Variants in PTK2 observed in about 807,000 individuals in gnomAD.
PTK2 encodes the protein focal adhesion kinase 1.
Under a neutral mutation model 150.1 loss-of-function variants are expected in PTK2, and 45 were observed. That is an observed-to-expected ratio of 0.30 (90% CI 0.24 to 0.38). The LOEUF (loss-of-function observed/expected upper bound fraction) is 0.38, where lower values mean the gene tolerates loss of function less well. Among genes scored for constraint, PTK2 ranks in the 10% least tolerant of loss-of-function variants. The pLI, the probability that PTK2 is intolerant of heterozygous loss-of-function variation, is 1.00. For missense variants in PTK2, 919 were observed against 1,307.3 expected, an observed-to-expected ratio of 0.70 and a Z score of 4.58; for synonymous variants, 432 against 449.2, an observed-to-expected ratio of 0.96 and a Z score of 0.48.
At chr8:140,661,823 G>A (rs757294944) in intron 31 of PTK2, among the ~76,000 whole-genome samples, 1 of 152,200 alleles carries the variant, frequency 6.6e-6, no homozygotes, top group African/African-American at 2.4e-5. Context: ...TTACAGCAGA[G>A]AGAGTTCCAA....
At chr8:140,715,457 C>A (rs2100039203) in intron 23 of PTK2, among the ~76,000 whole-genome samples, 2 of 152,018 alleles carry the variant, frequency 1.3e-5, no homozygotes, top group African/African-American at 4.8e-5. Flanking sequence ...CAGGGGTGAG[C>A]CACCATGCCC....
intron 2 of PTK2, among the ~76,000 whole-genome samples, chr8:140,924,186 TG>T (rs1276112467): frequency 6.6e-6 from 1 of 152,112 alleles, no homozygotes; most frequent in Non-Finnish European, 1.5e-5. Context: ...TCCCTCTATG[TG>T]GGACACTCTT....
At chr8:140,848,407 G>C (rs1278960311) in intron 5 of PTK2, among the ~76,000 whole-genome samples, 1 of 152,114 alleles carries the variant, frequency 6.6e-6, no homozygotes, top group Non-Finnish European at 1.5e-5. Flanking sequence ...TTTATTTTCT[G>C]CATTAGCATC....
intron 8 of PTK2, chr8:140,821,529 T>C (rs2100108564): frequency 6.6e-6 from 1 of 152,214 alleles, no homozygotes; most frequent in Non-Finnish European, 1.5e-5. Flanking sequence ...ACCCTGTACA[T>C]GTGTTTGACC....
rs116302171 is a variant in PTK2, at chr8:140,789,672, A to G, written c.1125-146T>C. ...TTAAAAATTGGATTCTACTATTAAAATAGCCAGGCTGCTTTAATGCTTTAA... is the reference window on the plus strand; with the variant it reads ...TTAAAAATTGGATTCTACTATTAAAGTAGCCAGGCTGCTTTAATGCTTTAA... On this transcript the variant is annotated intron_variant, in intron 13 of 31. Coordinates refer to ENST00000522684, the Ensembl canonical transcript of PTK2. 1.4e-3 allele frequency: 954 copies of G among 673,750 alleles called. 5 individuals are homozygous for G. The African/African-American group carries it at 0.016, about 11-fold the overall frequency. 41.7% of individuals were successfully genotyped at this position (673,750 alleles called of 1,614,324 possible).
rs181254911 is a variant in PTK2, at chr8:140,873,012, T to A, written c.362+6459A>T. Among the ~76,000 whole-genome samples, 7 of 152,242 alleles carry A rather than the reference T, an allele frequency of 4.6e-5. 1 individual carries two copies. The South Asian group carries it at 1.4e-3, about 32-fold the overall frequency. On this transcript the variant is annotated intron_variant, in intron 4 of 31. Transcript: ENST00000522684. Reference sequence around the variant, plus strand: ...CCTGTAGTTCATTCATTTCAACTTGTGTGACATTCTACTGTGTGAATAATC... The same window carrying A: ...CCTGTAGTTCATTCATTTCAACTTGAGTGACATTCTACTGTGTGAATAATC...
intron 1 of PTK2, among the ~76,000 whole-genome samples, chr8:141,000,172 G>A (rs1009077378): frequency 6.7e-6 from 1 of 149,548 alleles, no homozygotes; most frequent in African/African-American, 2.5e-5. Context: ...AAGGAACCCA[G>A]AGAGAAATTC....
At chr8:140,799,594 G>A (rs1053493375) in intron 12 of PTK2, among the ~76,000 whole-genome samples, 10 of 152,170 alleles carry the variant, frequency 6.6e-5, no homozygotes, top group Admixed American at 5.9e-4. Context: ...CTGATACAGT[G>A]TCAAGATCAG....
intron 1 of PTK2, among the ~76,000 whole-genome samples, chr8:140,949,726 A>T (rs1388273528): frequency 6.6e-6 from 1 of 152,182 alleles, no homozygotes; most frequent in Non-Finnish European, 1.5e-5. Context: ...CGTCATGAAC[A>T]GCCTAGGTGC....
chr8:140,965,450 C>A (rs893989289), intron 1 of PTK2, among the ~76,000 whole-genome samples: 1 of 152,192 alleles, frequency 6.6e-6, no homozygotes, highest in Non-Finnish European at 1.5e-5. Context: ...ACAAGCCATG[C>A]ACTGCACAAG....
chr8:140,842,217 T>C (rs2100122761), intron 7 of PTK2, among the ~76,000 whole-genome samples: 1 of 152,088 alleles, frequency 6.6e-6, no homozygotes, highest in Admixed American at 6.5e-5. Context: ...GACACTGTAG[T>C]TTCACTTTTT....
intron 23 of PTK2, among the ~76,000 whole-genome samples, chr8:140,707,328 C>T (rs896358340): frequency 6.6e-5 from 10 of 152,194 alleles, no homozygotes; most frequent in African/African-American, 1.9e-4. Context: ...GGTGAGACCC[C>T]GTCTCTACTA....
chr8:140,961,534 C>G (rs1360749004), intron 1 of PTK2, among the ~76,000 whole-genome samples: 1 of 151,812 alleles, frequency 6.6e-6, no homozygotes. Flanking sequence ...TGGTGGCGGG[C>G]ACCTGTAGTC....
intron 9 of PTK2, 65 bp downstream of exon 9, chr8:140,818,815 T>C: frequency 2.0e-6 from 3 of 1,513,542 alleles, no homozygotes; most frequent in Non-Finnish European, 2.7e-6. Flanking sequence ...AATTTAGATA[T>C]ACAGCAAGAG....
intron 1 of PTK2, among the ~76,000 whole-genome samples, chr8:140,933,151 C>T (rs2100172484): frequency 6.6e-6 from 1 of 150,822 alleles, no homozygotes; most frequent in Non-Finnish European, 1.5e-5. Flanking sequence ...GCACATGGCC[C>T]CCTGACTTTT....
At chr8:140,905,351 C>CAA (rs35398296) in intron 2 of PTK2, among the ~76,000 whole-genome samples, 1 of 146,942 alleles carries the variant, frequency 6.8e-6, no homozygotes, top group Middle Eastern at 3.5e-3. Context: ...ACATGGAAAG[C>CAA]AAAAAAAAAA....
chr8:140,819,302 T>G (rs2100106752), intron 8 of PTK2, among the ~76,000 whole-genome samples: 1 of 152,208 alleles, frequency 6.6e-6, no homozygotes, highest in South Asian at 2.1e-4. Flanking sequence ...GTACTATATG[T>G]GCACATGACT....
At chr8:140,714,568 G>A (rs1488953501) in intron 23 of PTK2, among the ~76,000 whole-genome samples, 2 of 151,462 alleles carry the variant, frequency 1.3e-5, no homozygotes, top group Non-Finnish European at 1.5e-5. Context: ...AGGCTGAGGC[G>A]GGCAGATCAC....
chr8:140,971,727 A>T (rs1394977277), intron 1 of PTK2, among the ~76,000 whole-genome samples: 2 of 152,264 alleles, frequency 1.3e-5, no homozygotes, highest in Non-Finnish European at 2.9e-5. Context: ...TACTTCTCGT[A>T]TGTGAAAGTT....
Sources: gnomAD v4.1 joint callset for allele counts (sites outside exome capture counted in the v4.1 genomes callset) on GRCh38, gnomAD v4.1.1 for gene constraint, MANE v1.5 for transcripts, NCBI Gene and HGNC (gene_info 2026-07-23, HGNC 2026-07-21) for gene names.